Variants in PCCB observed in about 807,000 individuals in gnomAD.
PCCB encodes propionyl-CoA carboxylase beta chain, mitochondrial.
PCCB carries 43 observed loss-of-function variants against 60.7 expected under a neutral mutation model. The observed-to-expected ratio is 0.71, with a 90% confidence interval of 0.55 to 0.91. PCCB has a LOEUF of 0.91. Ranked by LOEUF, PCCB falls within the 40% of genes least tolerant of loss-of-function variation. The pLI, the probability that PCCB is intolerant of heterozygous loss-of-function variation, is 0.00. For synonymous variants in PCCB, 276 were observed against 255.9 expected, an observed-to-expected ratio of 1.08 and a Z score of -0.75; for missense variants, 766 against 702.8, an observed-to-expected ratio of 1.09 and a Z score of -1.02.
chr3:136,251,278 G>A (rs1160262700), intron 1 of PCCB: 4 of 456,554 alleles, frequency 8.8e-6, no homozygotes, highest in African/African-American at 6.0e-5. Flanking sequence ...AAGCTGGGCG[G>A]CCCATTTTGG....
At chr3:136,254,914 G>A (rs1290515979) in intron 1 of PCCB, among the ~76,000 whole-genome samples, 1 of 144,004 alleles carries the variant, frequency 6.9e-6, no homozygotes, top group Non-Finnish European at 1.5e-5. Flanking sequence ...TCACTTTGTT[G>A]CCCAGGCTGG....
chr3:136,265,794 A>G (rs538679988), intron 5 of PCCB, among the ~76,000 whole-genome samples: 4 of 151,488 alleles, frequency 2.6e-5, no homozygotes, highest in Admixed American at 2.0e-4. Context: ...GGTTCTCCAT[A>G]TCTTTGTTGA....
At chr3:136,273,590 CTTTTTT>C (rs1942257917) in intron 5 of PCCB, among the ~76,000 whole-genome samples, 1 of 65,638 alleles carries the variant, frequency 1.5e-5, no homozygotes, top group African/African-American at 6.0e-5. Flanking sequence ...TTTTTTTTTT[CTTTTTT>C]CTTTTTTTTT....
chr3:136,260,599 T>C (rs1941794987), intron 4 of PCCB, 64 bp downstream of exon 4: 2 of 1,347,736 alleles, frequency 1.5e-6, no homozygotes, highest in African/African-American at 2.9e-5. Flanking sequence ...TTATTGAGTA[T>C]CTTTGGGGTA....
intron 9 of PCCB, among the ~76,000 whole-genome samples, chr3:136,312,505 G>A (rs1934708437): frequency 6.6e-6 from 1 of 152,084 alleles, no homozygotes; most frequent in East Asian, 1.9e-4. Context: ...AAATCTCAGG[G>A]GCAAAAATTA....
At position 136,303,533 on chromosome 3, in the gene PCCB, G is replaced by A. The variant is rs756131761; in HGVS notation, c.966+2422G>A. 2.0e-4 allele frequency among the ~76,000 whole-genome samples: 24 copies of A among 122,052 alleles called. 5 individuals carry two copies. Among genetic ancestry groups the A allele is most frequent in the African/African-American group, 6.0e-4 (24 of 39,966 alleles). 80.1% of individuals were successfully genotyped at this position (122,052 alleles called of 152,430 possible). ...CATTGATATTATGTGATACTAGTGC[G>A]TATATTTTAAGGTATTTTAAAATCA... On this transcript the variant is annotated intron_variant, in intron 9 of 14. Transcript: ENST00000251654.
At chr3:136,276,773 TG>T (rs1942341694) in intron 5 of PCCB, among the ~76,000 whole-genome samples, 1 of 152,182 alleles carries the variant, frequency 6.6e-6, no homozygotes, top group Admixed American at 6.5e-5. Context: ...GCCTGATTGT[TG>T]GGGTAGAGCT....
chr3:136,300,182 A>ATGTG (rs1344002673), intron 8 of PCCB, among the ~76,000 whole-genome samples: 91 of 146,496 alleles, frequency 6.2e-4, no homozygotes, highest in Middle Eastern at 3.6e-3. Context: ...ATATGTGTAT[A>ATGTG]TATGTATGAC....
chr3:136,285,596 G>A (rs1933366158), intron 6 of PCCB, among the ~76,000 whole-genome samples: 2 of 150,582 alleles, frequency 1.3e-5, no homozygotes, highest in Non-Finnish European at 3.0e-5. Context: ...CACTGTAAAT[G>A]CAGTTTAACT....
intron 9 of PCCB, among the ~76,000 whole-genome samples, chr3:136,314,502 A>G (rs1303935284): frequency 1.3e-5 from 2 of 152,076 alleles, no homozygotes; most frequent in African/African-American, 4.8e-5. Flanking sequence ...TAAAAATACA[A>G]AAATTAACCA....
chr3:136,323,094 T>C (rs1011841606), intron 10 of PCCB, among the ~76,000 whole-genome samples: 2 of 151,912 alleles, frequency 1.3e-5, no homozygotes, highest in Non-Finnish European at 2.9e-5. Context: ...AATGTATTCT[T>C]CTTAGAGTTA....
chr3:136,302,052 G>A (rs1054507614), intron 9 of PCCB, among the ~76,000 whole-genome samples: 2 of 152,194 alleles, frequency 1.3e-5, no homozygotes, highest in African/African-American at 2.4e-5. Context: ...TCGCAACAGT[G>A]TGGGGAGTTG....
rs1010957623 is a variant in PCCB at position 136,259,162 on chromosome 3, T to C, written c.373-1317T>C. The C allele has an allele frequency of 2.6e-5, 38 of 1,466,086 alleles. No individual in the cohort carries two copies. In the African/African-American group the frequency reaches 4.1e-4, roughly 16 times the overall value. The allele number at this position is 1,466,086 out of a possible 1,614,324, so 90.8% of individuals were successfully genotyped here. A position where few individuals can be genotyped will look rare whatever the true frequency, so the allele number is the denominator to read the frequency against. ...GCTCTGATTCTTGTTTTTTAACCTT[T>C]CTTTTTAAAACAGCAAATAATAGGC... On this transcript the variant is annotated intron_variant, in intron 3 of 14. Coordinates refer to ENST00000251654, the MANE Select transcript of PCCB (RefSeq NM_000532.5).
At chr3:136,325,334 T>C (rs1216439501) in intron 10 of PCCB, among the ~76,000 whole-genome samples, 1 of 152,100 alleles carries the variant, frequency 6.6e-6, no homozygotes, top group Non-Finnish European at 1.5e-5. Context: ...AGGGCCTGGC[T>C]TGTGACTTGC....
chr3:136,327,388 T>C, intron 12 of PCCB, 133 bp downstream of exon 12: 1 of 777,716 alleles, frequency 1.3e-6, no homozygotes, highest in South Asian at 1.5e-5. Context: ...CTCTTGAGGA[T>C]GTTGTTCCCA....
intron 5 of PCCB, among the ~76,000 whole-genome samples, chr3:136,283,130 T>C (rs1342921258): frequency 6.6e-6 from 1 of 152,168 alleles, no homozygotes; most frequent in Non-Finnish European, 1.5e-5. Flanking sequence ...TGAACCTACT[T>C]TTCCTAAGCT....
chr3:136,265,841 T>G (rs1374197856), intron 5 of PCCB, among the ~76,000 whole-genome samples: 7 of 152,076 alleles, frequency 4.6e-5, no homozygotes, highest in African/African-American at 1.4e-4. Flanking sequence ...TTTTTTTTTT[T>G]TTGAGACAGA....
At chr3:136,328,644 C>T (rs955722366) in intron 13 of PCCB, 114 bp from the exon 14 acceptor site, 2 of 811,622 alleles carry the variant, frequency 2.5e-6, no homozygotes, top group African/African-American at 3.3e-5. Context: ...TGGCACTTCC[C>T]CTCAGTACAC....
intron 10 of PCCB, among the ~76,000 whole-genome samples, chr3:136,317,937 A>G (rs767488897): frequency 6.6e-6 from 1 of 152,116 alleles, no homozygotes; most frequent in Non-Finnish European, 1.5e-5. Flanking sequence ...TCTCTCCTCA[A>G]TATTTTTCCT....
Sources: allele counts gnomAD v4.1 joint callset (sites outside exome capture counted in the v4.1 genomes callset), GRCh38; gene constraint gnomAD v4.1.1; transcripts MANE v1.5; gene names NCBI Gene and HGNC (gene_info 2026-07-23, HGNC 2026-07-21).